The following CRYZL1 variants were observed in gnomAD, a reference collection of about 807,000 sequenced individuals.
The protein encoded by CRYZL1 is ferry endosomal RAB5 effector complex subunit 4.
Under a neutral mutation model 50.6 loss-of-function variants are expected in CRYZL1, and 34 were observed. The observed-to-expected ratio is 0.67, with a 90% CI of 0.51 to 0.89. The LOEUF (loss-of-function observed/expected upper bound fraction) is 0.89. Among genes scored for constraint, CRYZL1 ranks in the 40% least tolerant of loss-of-function variants. The probability of loss-of-function intolerance (pLI) is 0.00; values close to 1 mark genes in which losing one functional copy is unlikely to be tolerated. For missense variants in CRYZL1, 354 were observed against 402.3 expected (o/e 0.88, Z 1.03); for synonymous variants, 125 against 134.3 (o/e 0.93, Z 0.48).
chr21:33,590,440 G>A (rs1029367156), intron 12 of CRYZL1, among the ~76,000 whole-genome samples: 9 of 14,244 alleles, frequency 6.3e-4, no homozygotes, highest in Admixed American at 4.3e-3. Flanking sequence ...TTTCTGAGAC[G>A]GAGTTTCTCT....
chr21:33,627,591 AT>A (rs2087082418), intron 2 of CRYZL1, among the ~76,000 whole-genome samples: 2 of 152,266 alleles, frequency 1.3e-5, no homozygotes, highest in South Asian at 4.1e-4. Context: ...AAATTCTACT[AT>A]CTATGCTTAA....
intron 8 of CRYZL1, among the ~76,000 whole-genome samples, chr21:33,599,973 C>T (rs1373465102): frequency 6.6e-6 from 1 of 151,992 alleles, no homozygotes; most frequent in East Asian, 1.9e-4. Context: ...ATTTAATAGT[C>T]TTTAGAGCTA....
intron 3 of CRYZL1, among the ~76,000 whole-genome samples, chr21:33,623,503 TAA>T (rs890167091): frequency 6.6e-6 from 1 of 152,202 alleles, no homozygotes; most frequent in Non-Finnish European, 1.5e-5. Context: ...TCCATTTTAA[TAA>T]AAACATCTGA....
Position 33,605,530 on chromosome 21 carries a change from C to CTTTTTTTTTTTTTTTTT in CRYZL1, c.332-1994_332-1993insAAAAAAAAAAAAAAAAA, listed in dbSNP as rs146096008. Among the ~76,000 whole-genome samples the CTTTTTTTTTTTTTTTTT allele has an allele frequency of 4.5e-3, 241 of 53,174 alleles. 96 individuals are homozygous for CTTTTTTTTTTTTTTTTT. The highest frequency in any genetic ancestry group is 6.6e-3 in the Non-Finnish European group (208 of 31,364). 34.9% of individuals were successfully genotyped at this position (53,174 alleles called of 152,430 possible). A position where few individuals can be genotyped will look rare whatever the true frequency, so the allele number is the denominator to read the frequency against. On this transcript the variant is annotated intron_variant, in intron 6 of 12. Coordinates refer to ENST00000381554, the MANE Select transcript of CRYZL1 (RefSeq NM_145858.3). The stretch of plus-strand genomic sequence containing the variant: ...GTAATTTTTCCGCAGTACAAGAATT[C>CTTTTTTTTTTTTTTTTT]TTTTTTTTTTGAGATGGAGTCTCAC...
intron 5 of CRYZL1, among the ~76,000 whole-genome samples, chr21:33,614,044 C>A (rs9976392): frequency 0.13 from 19,089 of 151,802 alleles, 1,574 homozygotes; most frequent in East Asian, 0.44. Flanking sequence ...TAGTGGCAGG[C>A]GCCTGTAATC....
chr21:33,593,682 A>AAC (rs1455471268), intron 11 of CRYZL1, among the ~76,000 whole-genome samples: 3 of 152,110 alleles, frequency 2.0e-5, no homozygotes, highest in Non-Finnish European at 2.9e-5. Flanking sequence ...AACATGTAAG[A>AAC]TTCAAAACTA....
At chr21:33,641,400 C>A in intron 1 of CRYZL1, 1 of 1,410,656 alleles carries the variant, frequency 7.1e-7, no homozygotes, top group Non-Finnish European at 9.4e-7. Flanking sequence ...AGTGGAAGGG[C>A]ACTCCCAGAC....
intron 12 of CRYZL1, 83 bp from the exon 13 acceptor site, chr21:33,590,004 C>A: frequency 1.3e-6 from 1 of 749,580 alleles, no homozygotes; most frequent in South Asian, 1.8e-5. Flanking sequence ...AATGCTAGTG[C>A]TCAAATCTAT....
chr21:33,641,291 G>A (rs1383767895), intron 1 of CRYZL1: 1 of 1,549,478 alleles, frequency 6.5e-7, no homozygotes, highest in Non-Finnish European at 8.7e-7. Context: ...AAAGTGATGA[G>A]GAAGAAAGAA....
intron 1 of CRYZL1, among the ~76,000 whole-genome samples, chr21:33,632,597 C>T (rs539375069): frequency 2.6e-5 from 4 of 152,086 alleles, no homozygotes; most frequent in South Asian, 2.1e-4. Flanking sequence ...AGGCTGGTCT[C>T]GAACTCCTGA....
At chr21:33,636,845 C>T (rs769171201) in intron 1 of CRYZL1, among the ~76,000 whole-genome samples, 1 of 152,134 alleles carries the variant, frequency 6.6e-6, no homozygotes, top group Non-Finnish European at 1.5e-5. Flanking sequence ...TTCACTCTGT[C>T]GCCCAGGCTA....
chr21:33,599,674 C>A (rs2086730386), intron 8 of CRYZL1, among the ~76,000 whole-genome samples: 1 of 151,830 alleles, frequency 6.6e-6, no homozygotes, highest in Non-Finnish European at 1.5e-5. Flanking sequence ...CTCCATTGCC[C>A]AGAATGGAGT....
At chr21:33,618,550 G>T (rs1008072824) in intron 4 of CRYZL1, among the ~76,000 whole-genome samples, 2 of 152,136 alleles carry the variant, frequency 1.3e-5, no homozygotes, top group Admixed American at 1.3e-4. Context: ...GACATGAAGC[G>T]GTGAAGTAAG....
intron 7 of CRYZL1, 47 bp from the exon 8 acceptor site, chr21:33,602,392 G>A (rs773102884): frequency 1.4e-5 from 11 of 776,584 alleles, no homozygotes; most frequent in African/African-American, 3.5e-5. Flanking sequence ...TAGAACAGAG[G>A]CCATATCGAA....
In CRYZL1 at chr21:33,637,834, G is replaced by T. The variant is rs140672144; in HGVS notation, c.-7+3847C>A. Among the ~76,000 whole-genome samples, 476 of 146,426 alleles carry T rather than the reference G, an allele frequency of 3.3e-3. 4 individuals carry two copies. The highest frequency in any genetic ancestry group is 0.011 in the African/African-American group (448 of 39,520). On this transcript the variant is annotated intron_variant, in intron 1 of 12. Transcript: ENST00000381554. ...ACAGCTAGACAAGAGAAAAACAGAT[G>T]AAGTCAACTCTGAAATGTGGCCCTG... is the stretch of plus-strand genomic sequence containing the variant.
At chr21:33,625,819 T>C (rs1049276889) in intron 2 of CRYZL1, among the ~76,000 whole-genome samples, 1 of 151,892 alleles carries the variant, frequency 6.6e-6, no homozygotes, top group African/African-American at 2.4e-5. Flanking sequence ...GAAATTCTTT[T>C]TTAAAAATAT....
At chr21:33,595,280 C>T (rs2086682668) in intron 11 of CRYZL1, 2 of 1,013,752 alleles carry the variant, frequency 2.0e-6, no homozygotes, top group Non-Finnish European at 2.6e-6. Context: ...TAAAACACTC[C>T]ACAAACTCTT....
chr21:33,639,945 C>T (rs2087258460), intron 1 of CRYZL1: 2 of 367,810 alleles, frequency 5.4e-6, no homozygotes, highest in Non-Finnish European at 9.9e-6. Flanking sequence ...CCTGCCTCAG[C>T]CTCCTGAGTA....
chr21:33,635,879 G>A (rs1042717986), intron 1 of CRYZL1, among the ~76,000 whole-genome samples: 1 of 151,990 alleles, frequency 6.6e-6, no homozygotes, highest in Admixed American at 6.5e-5. Context: ...TACTCGGGAG[G>A]CTGAGGCAGG....
Sources: gnomAD v4.1 joint callset for allele counts (sites outside exome capture counted in the v4.1 genomes callset) on GRCh38, gnomAD v4.1.1 for gene constraint, MANE v1.5 for transcripts, NCBI Gene and HGNC (gene_info 2026-07-23, HGNC 2026-07-21) for gene names.